The following ALK variants were observed in gnomAD, a reference collection of about 807,000 sequenced individuals.
ALK encodes ALK receptor tyrosine kinase, also known as ALK tyrosine kinase receptor.
ALK carries 74 observed loss-of-function variants against 163.1 expected under a neutral mutation model. The observed-to-expected ratio is 0.45, with a 90% CI of 0.38 to 0.55. The LOEUF (loss-of-function observed/expected upper bound fraction) is 0.55, where lower values mean the gene tolerates loss of function less well. Among genes scored for constraint, ALK ranks in the 20% least tolerant of loss-of-function variants. The pLI is 0.00. For synonymous variants in ALK, 960 were observed against 843.2 expected (o/e 1.14, Z -2.40); for missense variants, 2,063 against 2,105.3 (o/e 0.98, Z 0.39).
At chr2:29,415,862 C>T (rs1433024457) in intron 4 of ALK, among the ~76,000 whole-genome samples, 1 of 152,172 alleles carries the variant, frequency 6.6e-6, no homozygotes, top group Non-Finnish European at 1.5e-5. Context: ...CTTTTCTTGC[C>T]CTTGGACATC....
At chr2:29,450,372 C>T (rs1325662181) in intron 4 of ALK, among the ~76,000 whole-genome samples, 1 of 152,116 alleles carries the variant, frequency 6.6e-6, no homozygotes, top group Non-Finnish European at 1.5e-5. Flanking sequence ...TTGGGCCAGC[C>T]CTCTAATTGT....
At chr2:29,688,310 G>A (rs1340980038) in intron 3 of ALK, among the ~76,000 whole-genome samples, 2 of 152,172 alleles carry the variant, frequency 1.3e-5, no homozygotes, top group East Asian at 1.9e-4. Context: ...GAACGTTGGG[G>A]CCAGGGTAAG....
chr2:29,513,308 T>C (rs1160927329), intron 4 of ALK, among the ~76,000 whole-genome samples: 2 of 138,424 alleles, frequency 1.4e-5, no homozygotes, highest in Admixed American at 7.3e-5. Flanking sequence ...GAGATATAGA[T>C]CAATGGAACA....
intron 5 of ALK, among the ~76,000 whole-genome samples, chr2:29,375,877 C>A (rs1388373907): frequency 6.6e-6 from 1 of 152,152 alleles, no homozygotes; most frequent in East Asian, 1.9e-4. Flanking sequence ...AGGAGCACTG[C>A]CATCTTGGAC....
Position 29,883,188 on chromosome 2 carries a change from A to AG in ALK, c.667+36804dup, listed in dbSNP as rs536754190. On this transcript the variant is annotated intron_variant, in intron 1 of 28. Transcript: ENST00000389048. The stretch of plus-strand genomic sequence containing the variant: ...AAGGAAAGGAAAAGAAAAGAAAAGA[A>AG]GTACAGCATTAAAGAATCCCTTACT... Among the ~76,000 whole-genome samples, 238 of 152,264 alleles carry AG rather than the reference A, an allele frequency of 1.6e-3. 1 individual carries two copies. Among genetic ancestry groups the AG allele is most frequent in the African/African-American group, 5.1e-3 (211 of 41,560 alleles).
At position 29,882,469 on chromosome 2, in the gene ALK, G is replaced by C. The variant is rs542831941; in HGVS notation, c.667+37524C>G. The stretch of plus-strand genomic sequence containing the variant: ...CCAGCACTTTCGGAGGCTGAGGCAG[G>C]TGCATCACAAGGTCAAGAGATCAAG... On this transcript the variant is annotated intron_variant, in intron 1 of 28. Coordinates refer to ENST00000389048, the MANE Select transcript of ALK (RefSeq NM_004304.5). 4.4e-3 allele frequency among the ~76,000 whole-genome samples: 665 copies of C among 152,274 alleles called. 2 individuals are homozygous for C. Among genetic ancestry groups the C allele is most frequent in the Non-Finnish European group, 7.1e-3 (480 of 68,020 alleles).
At chr2:29,547,573 G>C (rs1673589865) in intron 3 of ALK, among the ~76,000 whole-genome samples, 1 of 152,160 alleles carries the variant, frequency 6.6e-6, no homozygotes, top group Admixed American at 6.5e-5. Flanking sequence ...CTCTAGCCTG[G>C]GCAACAGAGT....
chr2:29,336,436 G>T (rs1447933112), intron 5 of ALK, among the ~76,000 whole-genome samples: 1 of 152,186 alleles, frequency 6.6e-6, no homozygotes, highest in Non-Finnish European at 1.5e-5. Flanking sequence ...TCTGTCACTT[G>T]CATCCTGGAA....
chr2:29,731,105 A>C (rs1008612104), intron 1 of ALK, among the ~76,000 whole-genome samples: 1 of 152,210 alleles, frequency 6.6e-6, no homozygotes, highest in African/African-American at 2.4e-5. Context: ...TCCTTAAAGC[A>C]TTTGTAACTG....
At chr2:29,845,496 A>T (rs1452394725) in intron 1 of ALK, among the ~76,000 whole-genome samples, 2 of 151,850 alleles carry the variant, frequency 1.3e-5, no homozygotes, top group African/African-American at 4.8e-5. Context: ...GTGCAATGGC[A>T]CTATCTCAGC....
intron 4 of ALK, among the ~76,000 whole-genome samples, chr2:29,462,143 G>T (rs889090937): frequency 1.3e-5 from 2 of 152,118 alleles, no homozygotes; most frequent in Non-Finnish European, 2.9e-5. Flanking sequence ...AAGAGGAGTT[G>T]CTTTTTGTGG....
At chr2:29,751,674 C>A (rs958702977) in intron 1 of ALK, among the ~76,000 whole-genome samples, 7 of 152,144 alleles carry the variant, frequency 4.6e-5, no homozygotes, top group Non-Finnish European at 7.3e-5. Context: ...GTATGAAGCA[C>A]CATTTTACCG....
At chr2:29,659,596 T>C (rs1321483565) in intron 3 of ALK, among the ~76,000 whole-genome samples, 1 of 152,154 alleles carries the variant, frequency 6.6e-6, no homozygotes, top group Non-Finnish European at 1.5e-5. Context: ...ATCCATTCTC[T>C]CAGGGCTGGG....
intron 4 of ALK, among the ~76,000 whole-genome samples, chr2:29,397,406 C>CCAA (rs1440671982): frequency 2.6e-5 from 4 of 152,170 alleles, no homozygotes; most frequent in African/African-American, 9.7e-5. Flanking sequence ...TCAGAAGGAA[C>CCAA]CAACCCTGCT....
At chr2:29,373,901 G>C (rs17008005) in intron 5 of ALK, among the ~76,000 whole-genome samples, 9,602 of 152,266 alleles carry the variant, frequency 0.063, 349 homozygotes, top group East Asian at 0.14. Context: ...TGCACCCAGT[G>C]ACCAAGGTAA....
At chr2:29,915,810 C>A (rs1156407680) in intron 1 of ALK, among the ~76,000 whole-genome samples, 1 of 152,182 alleles carries the variant, frequency 6.6e-6, no homozygotes, top group Non-Finnish European at 1.5e-5. Context: ...CTTAGATACA[C>A]AATTCTCTGG....
intron 3 of ALK, among the ~76,000 whole-genome samples, chr2:29,587,170 T>G (rs1194798505): frequency 6.6e-6 from 1 of 152,182 alleles, no homozygotes; most frequent in Non-Finnish European, 1.5e-5. Context: ...GGTAGGATAT[T>G]CTCATGTTTT....
At chr2:29,390,678 T>C (rs1373010443) in intron 4 of ALK, among the ~76,000 whole-genome samples, 1 of 152,208 alleles carries the variant, frequency 6.6e-6, no homozygotes, top group Non-Finnish European at 1.5e-5. Context: ...TTGTAGTAAT[T>C]CTGTAGCAAA....
chr2:29,703,115 C>G (rs1336078690), intron 2 of ALK, among the ~76,000 whole-genome samples: 1 of 152,212 alleles, frequency 6.6e-6, no homozygotes, highest in African/African-American at 2.4e-5. Flanking sequence ...GGATCTGCAT[C>G]TGAAAACAGA....
Sources: allele counts gnomAD v4.1 joint callset (sites outside exome capture counted in the v4.1 genomes callset), GRCh38; gene constraint gnomAD v4.1.1; transcripts MANE v1.5; gene names NCBI Gene and HGNC (gene_info 2026-07-23, HGNC 2026-07-21).